RNF180: variants seen among roughly 807,000 people sequenced by gnomAD.
RNF180 encodes E3 ubiquitin-protein ligase RNF180.
A neutral mutation model predicts 59.2 loss-of-function variants in RNF180; 38 were observed. The ratio of observed to expected loss-of-function variants is 0.64; its 90% confidence interval spans 0.50 to 0.84. RNF180 has a LOEUF of 0.84. Among genes scored for constraint, RNF180 ranks in the 40% least tolerant of loss-of-function variants. The pLI, the probability that RNF180 is intolerant of heterozygous loss-of-function variation, is 0.00. For missense variants in RNF180, 705 were observed against 700.9 expected (o/e 1.01, Z -0.07); for synonymous variants, 262 against 240.3 (o/e 1.09, Z -0.84).
intron 5 of RNF180, among the ~76,000 whole-genome samples, chr5:64,245,365 A>C (rs528410103): frequency 6.6e-6 from 1 of 152,244 alleles, no homozygotes; most frequent in African/African-American, 2.4e-5. Flanking sequence ...TGCTGTATTC[A>C]GGAGACCAAT....
chr5:64,257,750 C>G (rs940214939), intron 5 of RNF180, among the ~76,000 whole-genome samples: 2 of 152,084 alleles, frequency 1.3e-5, no homozygotes, highest in African/African-American at 2.4e-5. Context: ...CCCTCTTTTT[C>G]TATTGATTGG....
At chr5:64,172,003 C>T (rs1749961597) in intron 1 of RNF180, among the ~76,000 whole-genome samples, 1 of 152,188 alleles carries the variant, frequency 6.6e-6, no homozygotes, top group African/African-American at 2.4e-5. Flanking sequence ...ACCTGCTATT[C>T]AGCCTCAGTT....
rs1375015254 is a variant in RNF180, at chr5:64,198,862, C to T, written c.1-1946C>T. Among the ~76,000 whole-genome samples the T allele has an allele frequency of 1.3e-4, 20 of 151,778 alleles. 1 individual carries two copies. The highest frequency in any genetic ancestry group is 2.6e-4 in the Non-Finnish European group (18 of 68,000). ...CGGAGTTTCGCTCTTGTTGCCCAGG[C>T]TGGAGTGCAGTGGCACGATCTCGGC... On this transcript the variant is annotated intron_variant, in intron 1 of 7. Coordinates refer to ENST00000389100, the MANE Select transcript of RNF180 (RefSeq NM_001113561.2).
chr5:64,358,825 C>T (rs1296021123), intron 7 of RNF180, among the ~76,000 whole-genome samples: 5 of 143,558 alleles, frequency 3.5e-5, no homozygotes, highest in Admixed American at 7.3e-5. Flanking sequence ...TGATATTCCC[C>T]TTCCTGTGTC....
chr5:64,253,555 A>T (rs576730900), intron 5 of RNF180, among the ~76,000 whole-genome samples: 23 of 152,286 alleles, frequency 1.5e-4, no homozygotes, highest in African/African-American at 5.3e-4. Flanking sequence ...GAAATTTTTC[A>T]ATCTGTAAAA....
At chr5:64,348,021 C>T (rs1176679832) in intron 7 of RNF180, among the ~76,000 whole-genome samples, 1 of 152,028 alleles carries the variant, frequency 6.6e-6, no homozygotes, top group African/African-American at 2.4e-5. Flanking sequence ...AATAAAGGTG[C>T]TACTCCATTA....
intron 1 of RNF180, among the ~76,000 whole-genome samples, chr5:64,182,847 C>G (rs1414564325): frequency 6.6e-6 from 1 of 152,086 alleles, no homozygotes; most frequent in Non-Finnish European, 1.5e-5. Flanking sequence ...CTTTGCAGAC[C>G]CTGTCAATGT....
chr5:64,289,473 C>G (rs1287404121), intron 5 of RNF180, among the ~76,000 whole-genome samples: 1 of 152,110 alleles, frequency 6.6e-6, no homozygotes, highest in Non-Finnish European at 1.5e-5. Flanking sequence ...ATAGTACTAG[C>G]TCTTCTTTGT....
At position 64,328,974 on chromosome 5, in the gene RNF180, G is replaced by C. The variant is rs975447782; in HGVS notation, c.1454-1307G>C. ...TCTCAGATCATGGTTTGCTTTCTAT[G>C]GTTCAGATATAAAGAGTTTCTACCG... On this transcript the variant is annotated intron_variant, in intron 6 of 7. Coordinates refer to ENST00000389100, the MANE Select transcript of RNF180 (RefSeq NM_001113561.2). Among the ~76,000 whole-genome samples the C allele has an allele frequency of 2.6e-5, 4 of 152,094 alleles. No individual in the cohort carries two copies. In the East Asian group the frequency reaches 5.8e-4, roughly 22 times the overall value.
At chr5:64,271,200 T>A (rs993327622) in intron 5 of RNF180, among the ~76,000 whole-genome samples, 2 of 152,084 alleles carry the variant, frequency 1.3e-5, no homozygotes, top group African/African-American at 4.8e-5. Context: ...ATTATTGCAT[T>A]AAATAAAAAT....
At chr5:64,264,209 A>G (rs769442267) in intron 5 of RNF180, among the ~76,000 whole-genome samples, 6 of 152,264 alleles carry the variant, frequency 3.9e-5, no homozygotes, top group Admixed American at 6.5e-5. Context: ...AAAATAGGTC[A>G]TAAGAAACAT....
chr5:64,345,517 T>TA (rs1167367252), intron 7 of RNF180, among the ~76,000 whole-genome samples: 2 of 152,148 alleles, frequency 1.3e-5, no homozygotes, highest in Admixed American at 1.3e-4. Flanking sequence ...GTAAATAAAA[T>TA]ATGTTTAAAA....
chr5:64,214,629 G>A, intron 4 of RNF180, 112 bp downstream of exon 4: 1 of 896,974 alleles, frequency 1.1e-6, no homozygotes, highest in South Asian at 1.8e-5. Flanking sequence ...TAGTAATTCT[G>A]GAAATGCTAT....
intron 1 of RNF180, among the ~76,000 whole-genome samples, chr5:64,194,673 C>T (rs571345992): frequency 3.9e-5 from 6 of 152,272 alleles, no homozygotes; most frequent in Non-Finnish European, 7.4e-5. Flanking sequence ...CCTATTGTTT[C>T]CTGACTTTTT....
intron 5 of RNF180, among the ~76,000 whole-genome samples, chr5:64,225,905 T>A (rs891540442): frequency 3.4e-5 from 4 of 118,298 alleles, no homozygotes; most frequent in Non-Finnish European, 6.8e-5. Flanking sequence ...GGCCACCCCA[T>A]CTGGCCACCC....
chr5:64,301,562 A>AT (rs1250594374), intron 5 of RNF180, among the ~76,000 whole-genome samples: 1 of 151,792 alleles, frequency 6.6e-6, no homozygotes, highest in Non-Finnish European at 1.5e-5. Flanking sequence ...GCTGTTAAAC[A>AT]TTCCTTCTTT....
chr5:64,297,273 T>C (rs1313634462), intron 5 of RNF180, among the ~76,000 whole-genome samples: 1 of 152,092 alleles, frequency 6.6e-6, no homozygotes, highest in African/African-American at 2.4e-5. Context: ...ACAGATATTC[T>C]GGTAAATTTC....
At chr5:64,330,139 T>C in intron 6 of RNF180, 142 bp from the exon 7 acceptor site, 1 of 644,898 alleles carries the variant, frequency 1.6e-6, no homozygotes, top group Non-Finnish European at 2.7e-6. Flanking sequence ...AAAAAAATGT[T>C]GAATCTATTT....
intron 5 of RNF180, among the ~76,000 whole-genome samples, chr5:64,309,473 T>G (rs1743643778): frequency 6.6e-6 from 1 of 151,734 alleles, no homozygotes; most frequent in Non-Finnish European, 1.5e-5. Flanking sequence ...TCTTCCTATA[T>G]GGAAAATAGT....
Sources: gnomAD v4.1 joint callset for allele counts (sites outside exome capture counted in the v4.1 genomes callset) on GRCh38, gnomAD v4.1.1 for gene constraint, MANE v1.5 for transcripts, NCBI Gene and HGNC (gene_info 2026-07-23, HGNC 2026-07-21) for gene names.